The following DICER1 variants were observed in gnomAD, a reference collection of about 807,000 sequenced individuals.
The protein encoded by DICER1 is endoribonuclease Dicer.
In DICER1, 43 loss-of-function variants were observed where a neutral mutation model predicts 194.1. The ratio of observed to expected loss-of-function variants is 0.22; its 90% CI spans 0.17 to 0.29. The LOEUF (loss-of-function observed/expected upper bound fraction) is 0.29, where lower values mean the gene tolerates loss of function less well. DICER1 is among the 10% of genes least tolerant of loss of function. DICER1 has a pLI of 1.00. For synonymous variants in DICER1, 832 were observed against 820.5 expected (o/e 1.01, Z -0.24); for missense variants, 1,608 against 2,317.0 (o/e 0.69, Z 6.28).
At chr14:95,132,486 C>T (rs1182649738) in intron 3 of DICER1, 29 bp downstream of exon 3, 1 of 1,611,662 alleles carries the variant, frequency 6.2e-7, no homozygotes, top group Admixed American at 1.7e-5. Flanking sequence ...ATTTCCCCTG[C>T]ACAACTTGAT....
intron 18 of DICER1, 31 bp downstream of exon 18, chr14:95,106,010 C>T (rs2139997909): frequency 1.9e-6 from 3 of 1,610,272 alleles, no homozygotes; most frequent in Non-Finnish European, 2.5e-6. Flanking sequence ...CCCTCAAGTG[C>T]AATCCAAGTG....
chr14:95,096,624 C>T lies in DICER1; in HGVS notation c.4296G>A (p.Pro1432=), dbSNP rs146679273. The change falls in exon 23 of 27, where the codon CCG becomes CCA. Residue 1432 remains proline, a synonymous_variant. Transcript: ENST00000343455. ...EEEESLMWRA[P]KEEADYEDDF... ...CATCTTCATAGTCAGCCTCTTCCTT[C>T]GGAGCCCTCCACATCAGGCTCTCCT... 16 of 1,611,618 alleles carry T rather than the reference C, an allele frequency of 9.9e-6. No individual in the cohort carries two copies. The highest frequency in any genetic ancestry group is 1.7e-5 in the Admixed American group (1 of 59,726).
chr14:95,137,491 G>A (rs916335072), intron 1 of DICER1, among the ~76,000 whole-genome samples: 1 of 143,802 alleles, frequency 7.0e-6, no homozygotes, highest in Non-Finnish European at 1.5e-5. Flanking sequence ...GATAGGGAAG[G>A]GGAAGGGAAA....
intron 11 of DICER1, 109 bp from the exon 12 acceptor site, chr14:95,113,333 A>G: frequency 9.3e-7 from 1 of 1,080,002 alleles, no homozygotes; most frequent in Non-Finnish European, 1.4e-6. Flanking sequence ...CTGAATTTGT[A>G]TTTATATGTG....
chr14:95,139,530 G>C lies in DICER1; in HGVS notation c.-45-6027C>G, dbSNP rs544909202. ...ATAGACACACATACACAACATACAT[G>C]TTATTCTTTTACTGGAGCACAGCTC... On this transcript the variant is annotated intron_variant, in intron 1 of 26. Transcript: ENST00000343455. Among the ~76,000 whole-genome samples, 4 of 152,306 alleles carry C rather than the reference G, an allele frequency of 2.6e-5. No individual in the cohort carries two copies. In the South Asian group the frequency reaches 8.3e-4, roughly 32 times the overall value.
At chr14:95,128,598 T>C (rs781247331) in intron 6 of DICER1, among the ~76,000 whole-genome samples, 15 of 152,252 alleles carry the variant, frequency 9.9e-5, no homozygotes, top group Non-Finnish European at 1.9e-4. Flanking sequence ...GATTTTTCTA[T>C]GTGTCAATGT....
chr14:95,109,889 T>G (rs1430869209), intron 14 of DICER1, among the ~76,000 whole-genome samples: 1 of 152,254 alleles, frequency 6.6e-6, no homozygotes, highest in Non-Finnish European at 1.5e-5. Flanking sequence ...TTCACATAAC[T>G]TTTATTACAG....
intron 1 of DICER1, among the ~76,000 whole-genome samples, chr14:95,134,702 TA>T (rs1437895322): frequency 6.6e-6 from 1 of 152,142 alleles, no homozygotes; most frequent in Non-Finnish European, 1.5e-5. Context: ...TCAGCTACCA[TA>T]AAGTACTATC....
At position 95,156,298 on chromosome 14, in the gene DICER1, T is replaced by C. The variant is rs115476840; in HGVS notation, c.-46+932A>G. ...AAGCATAGGCGTCCAAGTGATCCTC[T>C]TTCATCAGATGAATGTTTTTAAAAC... On this transcript the variant is annotated intron_variant, in intron 1 of 26. Transcript: ENST00000343455. 2.4e-3 allele frequency among the ~76,000 whole-genome samples: 366 copies of C among 152,338 alleles called. 2 individuals carry two copies. Among genetic ancestry groups the C allele is most frequent in the African/African-American group, 8.3e-3 (344 of 41,586 alleles).
chr14:95,138,880 G>A (rs1399360298), intron 1 of DICER1, among the ~76,000 whole-genome samples: 1 of 149,210 alleles, frequency 6.7e-6, no homozygotes, highest in Non-Finnish European at 1.5e-5. Flanking sequence ...TGACACATTA[G>A]TGGGTGCAGC....
At chr14:95,093,025 C>T (rs916043772) in intron 24 of DICER1, among the ~76,000 whole-genome samples, 3 of 152,234 alleles carry the variant, frequency 2.0e-5, no homozygotes, top group Non-Finnish European at 1.5e-5. Context: ...GGCTCTGCGG[C>T]TAGACTTCAA....
chr14:95,109,580 G>A (rs1891768887), intron 14 of DICER1, among the ~76,000 whole-genome samples: 1 of 152,156 alleles, frequency 6.6e-6, no homozygotes, highest in Non-Finnish European at 1.5e-5. Context: ...TTTATCACAT[G>A]AAACTAGTCT....
intron 14 of DICER1, among the ~76,000 whole-genome samples, chr14:95,109,133 T>C (rs1043245323): frequency 6.6e-6 from 1 of 152,216 alleles, no homozygotes; most frequent in African/African-American, 2.4e-5. Flanking sequence ...AGAATATCTG[T>C]CCGAGTCAAT....
At chr14:95,156,742 C>T (rs1420047570) in intron 1 of DICER1, among the ~76,000 whole-genome samples, 2 of 152,194 alleles carry the variant, frequency 1.3e-5, no homozygotes, top group African/African-American at 4.8e-5. Context: ...ACAGGACCCT[C>T]CCGGGAGGGA....
rs545263158 is a variant in DICER1, at chr14:95,130,018, A to T, written c.573+40T>A. The T allele has an allele frequency of 1.3e-5, 21 of 1,596,678 alleles. No homozygotes were observed. In the East Asian group the frequency reaches 4.7e-4, roughly 36 times the overall value. On this transcript the variant is annotated intron_variant, in intron 5 of 26. Coordinates refer to ENST00000343455, the MANE Select transcript of DICER1 (RefSeq NM_177438.3). Reference sequence around the variant, plus strand: ...AAACAAAAATCTGCATTTACTCAATAGTTTACCAAGAATTACTAAGACTTA... The same window carrying T: ...AAACAAAAATCTGCATTTACTCAATTGTTTACCAAGAATTACTAAGACTTA...
In DICER1 at chr14:95,103,627, C is replaced by A. The variant is rs1392282413; in HGVS notation, c.3769G>T (p.Val1257Leu). The A allele has an allele frequency of 6.2e-7, 1 of 1,614,080 alleles. No homozygotes were observed. The highest frequency in any genetic ancestry group is 1.3e-5 in the African/African-American group (1 of 74,932). ...ANKSTSDGSP[V>L]MAVMPGTTDT... Reference sequence around the variant, plus strand: ...GTCGTACCAGGCATTACGGCCATCACAGGACTTCCATCTGAGGTAGATTTG... The same window carrying A: ...GTCGTACCAGGCATTACGGCCATCAAAGGACTTCCATCTGAGGTAGATTTG... The change falls in exon 21 of 27, where the codon GTG becomes TTG. Residue 1257 changes from valine to leucine, a missense_variant. Val to Leu is a conservative substitution (Grantham distance 32). Coordinates refer to ENST00000343455, the MANE Select transcript of DICER1 (RefSeq NM_177438.3).
Position 95,131,583 on chromosome 14 carries a change from CA to C in DICER1, c.363del (p.Glu123AsnfsTer5). The C allele has an allele frequency of 6.2e-7, 1 of 1,612,596 alleles. No individual in the cohort carries two copies. Among genetic ancestry groups the C allele is most frequent in the Non-Finnish European group, 8.5e-7 (1 of 1,178,608 alleles). ...TTTACTTCTAGGTTTGAGTATTCCC[CA>C]ACCTTGAGATCTGAATGAGTTCTGA... is the stretch of plus-strand genomic sequence containing the variant. ...SAVRTHSDLK[V>X]GEYSNLEVNA... On this transcript the variant is annotated frameshift_variant, in exon 4 of 27. Coordinates refer to ENST00000343455, the MANE Select transcript of DICER1 (RefSeq NM_177438.3). LOFTEE classifies it high-confidence loss of function.
chr14:95,116,880 G>C (rs1459631388), intron 9 of DICER1, among the ~76,000 whole-genome samples, 185 bp from the exon 10 acceptor site: 1 of 152,096 alleles, frequency 6.6e-6, no homozygotes, highest in Non-Finnish European at 1.5e-5. Context: ...TGGAAACATG[G>C]ACAAAGAAAC....
At chr14:95,138,453 TA>T (rs1894579962) in intron 1 of DICER1, among the ~76,000 whole-genome samples, 1 of 152,050 alleles carries the variant, frequency 6.6e-6, no homozygotes, top group African/African-American at 2.4e-5. Context: ...ATAACATCTC[TA>T]ACCAAAAATA....
Sources: allele counts gnomAD v4.1 joint callset (sites outside exome capture counted in the v4.1 genomes callset), GRCh38; gene constraint gnomAD v4.1.1; transcripts MANE v1.5; gene names NCBI Gene and HGNC (gene_info 2026-07-23, HGNC 2026-07-21).